DSCAM: variants seen among roughly 807,000 people sequenced by gnomAD.
DSCAM encodes cell adhesion molecule DSCAM.
Under a neutral mutation model 217.7 loss-of-function variants are expected in DSCAM, and 47 were observed. That is an observed-to-expected ratio of 0.22 (90% CI 0.17 to 0.28). The LOEUF (loss-of-function observed/expected upper bound fraction) is 0.28. Among genes scored for constraint, DSCAM ranks in the 10% least tolerant of loss-of-function variants. DSCAM has a pLI of 1.00. For missense variants in DSCAM, 2,080 were observed against 2,618.3 expected, an observed-to-expected ratio of 0.79 and a Z score of 4.49; for synonymous variants, 1,056 against 1,015.3, an observed-to-expected ratio of 1.04 and a Z score of -0.76.
chr21:40,463,644 G>A (rs1195879561), intron 3 of DSCAM, among the ~76,000 whole-genome samples: 1 of 152,068 alleles, frequency 6.6e-6, no homozygotes, highest in Non-Finnish European at 1.5e-5. Context: ...TAAAGAGAAG[G>A]TCCATCCTTG....
At chr21:40,485,324 G>A (rs1413734914) in intron 3 of DSCAM, among the ~76,000 whole-genome samples, 1 of 146,928 alleles carries the variant, frequency 6.8e-6, no homozygotes, top group Non-Finnish European at 1.5e-5. Context: ...CTCACTGCAA[G>A]CTCCGCCTCC....
chr21:40,792,098 CCT>C (rs1485479497), intron 1 of DSCAM, among the ~76,000 whole-genome samples: 1 of 150,842 alleles, frequency 6.6e-6, no homozygotes, highest in Non-Finnish European at 1.5e-5. Flanking sequence ...CATGGCCATC[CCT>C]CTTTGTGTCC....
chr21:40,548,468 T>G (rs2076602002), intron 3 of DSCAM, among the ~76,000 whole-genome samples: 2 of 151,282 alleles, frequency 1.3e-5, no homozygotes, highest in Non-Finnish European at 2.9e-5. Flanking sequence ...TTTACAATCC[T>G]GGATGTAATT....
intron 15 of DSCAM, among the ~76,000 whole-genome samples, chr21:40,171,260 T>C (rs547935650): frequency 6.6e-6 from 1 of 152,088 alleles, no homozygotes; most frequent in Admixed American, 6.5e-5. Context: ...GCATTTTTAG[T>C]AGAGATGGGG....
At chr21:40,656,397 G>A (rs576631343) in intron 3 of DSCAM, among the ~76,000 whole-genome samples, 102 of 150,528 alleles carry the variant, frequency 6.8e-4, no homozygotes, top group Non-Finnish European at 1.0e-3. Flanking sequence ...TTGTGCATGA[G>A]TGAAAGCTGT....
chr21:40,410,037 C>G (rs2075309407), intron 3 of DSCAM, among the ~76,000 whole-genome samples: 1 of 151,076 alleles, frequency 6.6e-6, no homozygotes. Flanking sequence ...TTTAACAGTC[C>G]AAAAAATAAA....
In DSCAM at chr21:40,098,147, G is replaced by C. The variant is rs191242257; in HGVS notation, c.3697-4273C>G. Among the ~76,000 whole-genome samples, 4 of 152,004 alleles carry C rather than the reference G, an allele frequency of 2.6e-5. No individual in the cohort carries two copies. The East Asian group carries it at 7.7e-4, about 29-fold the overall frequency. ...AGACAAAATAGATTTAAAAGCAAAG[G>C]ATATTACCAGTAATAAAGACAGAAA... On this transcript the variant is annotated intron_variant, in intron 20 of 32. Transcript: ENST00000400454.
At chr21:40,643,133 G>A (rs2089903570) in intron 3 of DSCAM, among the ~76,000 whole-genome samples, 2 of 152,300 alleles carry the variant, frequency 1.3e-5, no homozygotes, top group African/African-American at 4.8e-5. Flanking sequence ...AAATTCCAGA[G>A]TGCAGCTCAG....
chr21:40,479,524 T>C (rs9975871), intron 3 of DSCAM, among the ~76,000 whole-genome samples: 36,652 of 152,132 alleles, frequency 0.24, 4,675 homozygotes, highest in African/African-American at 0.33. Flanking sequence ...CTCACAATCA[T>C]GGCAGAAGGC....
intron 1 of DSCAM, among the ~76,000 whole-genome samples, chr21:40,821,072 A>G (rs2091921484): frequency 7.3e-6 from 1 of 136,380 alleles, no homozygotes; most frequent in Non-Finnish European, 1.6e-5. Flanking sequence ...ATCTTCACAT[A>G]TAGATCTTCA....
At chr21:40,826,723 A>T (rs2091971772) in intron 1 of DSCAM, among the ~76,000 whole-genome samples, 1 of 152,228 alleles carries the variant, frequency 6.6e-6, no homozygotes. Flanking sequence ...GGGACGAGCG[A>T]TGCTCAGTTT....
intron 3 of DSCAM, among the ~76,000 whole-genome samples, chr21:40,521,335 T>A (rs1346707536): frequency 6.6e-6 from 1 of 152,184 alleles, no homozygotes; most frequent in Admixed American, 6.5e-5. Flanking sequence ...ACCGCTATAC[T>A]TTTTTCCGTA....
intron 27 of DSCAM, among the ~76,000 whole-genome samples, chr21:40,065,452 A>G (rs1005430673): frequency 1.3e-5 from 2 of 152,162 alleles, no homozygotes; most frequent in South Asian, 2.1e-4. Flanking sequence ...AAAAAAATTT[A>G]AAGTCCCGGA....
chr21:40,355,172 C>T (rs751329308), intron 4 of DSCAM, among the ~76,000 whole-genome samples: 3 of 152,042 alleles, frequency 2.0e-5, no homozygotes, highest in Non-Finnish European at 4.4e-5. Context: ...AAAAAGAGGG[C>T]ATAACAGAGA....
At chr21:40,062,839 G>A in intron 28 of DSCAM, 30 bp downstream of exon 28, 1 of 1,552,492 alleles carries the variant, frequency 6.4e-7, no homozygotes, top group Non-Finnish European at 8.7e-7. Flanking sequence ...TTTCAAACAT[G>A]ATATCTGGGG....
chr21:40,386,375 C>G (rs1469486431), intron 3 of DSCAM, among the ~76,000 whole-genome samples: 9 of 152,220 alleles, frequency 5.9e-5, no homozygotes, highest in Admixed American at 5.9e-4. Flanking sequence ...CAAGGCTGTT[C>G]CGGAGACCTT....
intron 16 of DSCAM, among the ~76,000 whole-genome samples, chr21:40,147,926 C>T (rs2090377517): frequency 2.0e-5 from 3 of 152,052 alleles, no homozygotes; most frequent in Admixed American, 2.0e-4. Context: ...TATAGTTTCT[C>T]TGTTTCTAAG....
intron 3 of DSCAM, among the ~76,000 whole-genome samples, chr21:40,604,054 TCTCA>T (rs1331815883): frequency 6.6e-6 from 1 of 152,064 alleles, no homozygotes; most frequent in African/African-American, 2.4e-5. Flanking sequence ...TTTCTGGGAT[TCTCA>T]TTCTGCATGT....
At chr21:40,619,911 T>C (rs1415235313) in intron 3 of DSCAM, among the ~76,000 whole-genome samples, 1 of 127,786 alleles carries the variant, frequency 7.8e-6, no homozygotes, top group Non-Finnish European at 1.6e-5. Flanking sequence ...GATAACACTA[T>C]GAAATCTAGT....
Sources: allele counts gnomAD v4.1 joint callset (sites outside exome capture counted in the v4.1 genomes callset), GRCh38; gene constraint gnomAD v4.1.1; transcripts MANE v1.5; gene names NCBI Gene and HGNC (gene_info 2026-07-23, HGNC 2026-07-21).